RUNDC3A: variants seen among roughly 807,000 people sequenced by gnomAD.
RUNDC3A encodes RUN domain-containing protein 3A.
In RUNDC3A, 28 loss-of-function variants were observed where a neutral mutation model predicts 53.9. The observed-to-expected ratio is 0.52, with a 90% CI of 0.38 to 0.71. The LOEUF is 0.71. Among genes scored for constraint, RUNDC3A ranks in the 30% least tolerant of loss-of-function variants. RUNDC3A has a pLI of 0.00. For missense variants in RUNDC3A, 491 were observed against 597.3 expected, an observed-to-expected ratio of 0.82 and a Z score of 1.85; for synonymous variants, 232 against 249.4, an observed-to-expected ratio of 0.93 and a Z score of 0.66.
chr17:44,314,681 G>GA, intron 4 of RUNDC3A, 54 bp from the exon 5 acceptor site: 1 of 1,285,966 alleles, frequency 7.8e-7, no homozygotes, highest in Admixed American at 2.1e-5. Context: ...CTCTGGGGGG[G>GA]GGGGGGGCGC....
chr17:44,311,458 G>A, intron 1 of RUNDC3A: 1 of 574,124 alleles, frequency 1.7e-6, no homozygotes, highest in Non-Finnish European at 2.2e-6. Context: ...TTCTTTACCT[G>A]TAAAATGGGG....
chr17:44,312,725 C>T (rs2047773357), intron 2 of RUNDC3A, 30 bp downstream of exon 2: 1 of 1,195,468 alleles, frequency 8.4e-7, no homozygotes, highest in Non-Finnish European at 1.2e-6. Flanking sequence ...CCCAGCGGTC[C>T]CTCCCCCAGC....
At chr17:44,309,161 G>C (rs868575200) in intron 1 of RUNDC3A, among the ~76,000 whole-genome samples, 19 of 152,334 alleles carry the variant, frequency 1.2e-4, no homozygotes, top group South Asian at 6.2e-4. Flanking sequence ...CTGGGCCTGG[G>C]GGGTGAGGGG....
chr17:44,314,879 T>C (rs374503153), intron 5 of RUNDC3A, 50 bp from the exon 6 acceptor site: 455 of 1,613,830 alleles, frequency 2.8e-4, no homozygotes, highest in Admixed American at 6.7e-5. Flanking sequence ...ATAAATGTCC[T>C]ACCCCAACCC....
chr17:44,313,367 G>A (rs2047787500), intron 3 of RUNDC3A, 51 bp from the exon 4 acceptor site: 1 of 1,612,498 alleles, frequency 6.2e-7, no homozygotes, highest in Admixed American at 1.7e-5. Context: ...ACCTGATGCT[G>A]GACACATGAG....
At position 44,315,096 on chromosome 17, in the gene RUNDC3A, A is replaced by C. The variant is rs2047830607; in HGVS notation, c.630-59A>C. ...CCTGGTCCCACCGCCCTCAGCGGCC[A>C]GCGCAGACGCGCGGGGGGAGGGGCG... On this transcript the variant is annotated intron_variant, in intron 6 of 10. Transcript: ENST00000426726. The surrounding 1 kb of genome is among the most constrained non-coding windows in gnomAD (Gnocchi z 6.1). 1 of 1,605,238 alleles carries C rather than the reference A, an allele frequency of 6.2e-7. No individual in the cohort carries two copies. The highest frequency in any genetic ancestry group is 1.1e-5 in the South Asian group (1 of 90,636).
intron 1 of RUNDC3A, among the ~76,000 whole-genome samples, chr17:44,310,354 T>A (rs2047726968): frequency 6.6e-6 from 1 of 152,236 alleles, no homozygotes. Context: ...CTAATGACGC[T>A]CTTCCTGTCC....
chr17:44,313,635 T>G (rs2047793924), intron 4 of RUNDC3A, 132 bp downstream of exon 4: 12 of 1,399,380 alleles, frequency 8.6e-6, no homozygotes, highest in Non-Finnish European at 1.1e-5. Context: ...CACACATGGC[T>G]GATTTCCCTC....
chr17:44,313,119 G>T lies in RUNDC3A; in HGVS notation c.239G>T (p.Gly80Val), dbSNP rs373613588. The change falls in exon 3 of 11, where the codon GGT becomes GTT. Residue 80 changes from glycine (G) to valine (V), a missense_variant. By Grantham distance (109) the Gly-to-Val change is moderately radical. Around this residue, in one of 2 missense-constraint regions of RUNDC3A, gnomAD observed 273 missense variants for 389.0 expected, o/e 0.70. Transcript: ENST00000426726. ...SHRFKACAPA[G>V]PVSWFSSDGQ... ...CCTGGCTCAGCCTGTGCCCCAGCAG[G>T]TCCAGTGAGCTGGTTCAGCTCAGAC... 3.3e-5 allele frequency: 54 copies of T among 1,613,920 alleles called. No homozygotes were observed. Among genetic ancestry groups the T allele is most frequent in the Non-Finnish European group, 4.5e-5 (53 of 1,179,888 alleles).
chr17:44,311,553 T>C (rs2047747374), intron 1 of RUNDC3A: 2 of 161,240 alleles, frequency 1.2e-5, no homozygotes, highest in South Asian at 2.0e-4. Context: ...TGCCACATTA[T>C]AGGGCTTGAT....
At position 44,316,504 on chromosome 17, in the gene RUNDC3A, A is replaced by G. The variant is rs1225411293; in HGVS notation, c.1073A>G (p.Asn358Ser). ...GTLNGAEGAS[N>S]SKLYRRHSFM... ...CTTAATGGGGCCGAGGGCGCCAGCAACTCCAAGCTCTACCGGAGGTAAGCC... is the reference window on the plus strand; with the variant it reads ...CTTAATGGGGCCGAGGGCGCCAGCAGCTCCAAGCTCTACCGGAGGTAAGCC... The change falls in exon 9 of 11, where the codon AAC becomes AGC. Residue 358 changes from asparagine (N) to serine (S), a missense_variant. Physicochemically the swap from Asn to Ser is conservative, Grantham distance 46. Around this residue, in one of 2 missense-constraint regions of RUNDC3A, gnomAD observed 218 missense variants for 208.2 expected, o/e 1.05. Transcript: ENST00000426726. The G allele has an allele frequency of 1.2e-6, 2 of 1,612,606 alleles. No individual in the cohort carries two copies. Among genetic ancestry groups the G allele is most frequent in the Non-Finnish European group, 1.7e-6 (2 of 1,179,560 alleles).
At chr17:44,310,596 A>G in intron 1 of RUNDC3A, 2 of 552,042 alleles carry the variant, frequency 3.6e-6, no homozygotes, top group African/African-American at 2.0e-5. Context: ...TCACTGTCAC[A>G]TGGTTTGCCT....
rs377689130 is a variant in RUNDC3A, at chr17:44,308,807, G to A, written c.-26G>A. On this transcript the variant is annotated 5_prime_UTR_variant, in exon 1 of 11. Coordinates refer to ENST00000426726, the MANE Select transcript of RUNDC3A (RefSeq NM_001144825.2). ...CGGGAGGGGTGGGGGGGCAGCGGGC[G>A]GCGGCAGCAGTGGCCGCACATCTGG... The A allele has an allele frequency of 2.7e-6, 4 of 1,507,250 alleles. No homozygotes were observed. The highest frequency in any genetic ancestry group is 3.6e-6 in the Non-Finnish European group (4 of 1,104,016). The allele number at this position is 1,507,250 out of a possible 1,614,324, so 93.4% of individuals were successfully genotyped here.
chr17:44,311,198 G>A (rs933220181), intron 1 of RUNDC3A: 3 of 985,532 alleles, frequency 3.0e-6, no homozygotes, highest in South Asian at 4.7e-5. Context: ...GAAGGGGGAC[G>A]AGGGCTCAGC....
chr17:44,315,676 T>A lies in RUNDC3A; in HGVS notation c.953+67T>A. ...CGACCACATCACCGGGTGAACCCCATCTTCACTTCCATCGACTCTAACATC... is the reference window on the plus strand; with the variant it reads ...CGACCACATCACCGGGTGAACCCCAACTTCACTTCCATCGACTCTAACATC... On this transcript the variant is annotated intron_variant, in intron 8 of 10. Coordinates refer to ENST00000426726, the MANE Select transcript of RUNDC3A (RefSeq NM_001144825.2). The surrounding 1 kb of genome is among the most constrained non-coding windows in gnomAD (Gnocchi z 6.1). 4.7e-6 allele frequency: 6 copies of A among 1,275,160 alleles called. No individual in the cohort carries two copies. The highest frequency in any genetic ancestry group is 1.6e-5 in the African/African-American group (1 of 63,464). 79.0% of individuals were successfully genotyped at this position (1,275,160 alleles called of 1,614,324 possible). A position where few individuals can be genotyped will look rare whatever the true frequency, so the allele number is the denominator to read the frequency against.
chr17:44,313,139 T>A lies in RUNDC3A; in HGVS notation c.259T>A (p.Ser87Thr), dbSNP rs1393325834. 1 of 1,614,056 alleles carries A rather than the reference T, an allele frequency of 6.2e-7. No homozygotes were observed. ...APAGPVSWFSSDGQRGFWDYI... is the reference protein window; with the variant it reads ...APAGPVSWFSTDGQRGFWDYI... ...AGCAGGTCCAGTGAGCTGGTTCAGC[T>A]CAGACGGGCAGCGGGGCTTTTGGGA... The change falls in exon 3 of 11, where the codon TCA becomes ACA. Residue 87 changes from serine to threonine, a missense_variant. Around this residue, in one of 2 missense-constraint regions of RUNDC3A, gnomAD observed 273 missense variants for 389.0 expected, o/e 0.70. Transcript: ENST00000426726.
rs1598333685 is a variant in RUNDC3A, at chr17:44,317,851, A to G, written c.1199-245A>G. 1.1e-5 allele frequency: 6 copies of G among 568,544 alleles called. No individual in the cohort carries two copies. The East Asian group carries it at 1.1e-4, about 11-fold the overall frequency. 35.2% of individuals were successfully genotyped at this position (568,544 alleles called of 1,614,324 possible). A position where few individuals can be genotyped will look rare whatever the true frequency, so the allele number is the denominator to read the frequency against. ...TCACTGTGTATTTAATAAATGGACA[A>G]AGAGAGAGGATGACCCTCACGGGGA... is the stretch of plus-strand genomic sequence containing the variant. On this transcript the variant is annotated intron_variant, in intron 10 of 10. Coordinates refer to ENST00000426726, the MANE Select transcript of RUNDC3A (RefSeq NM_001144825.2).
At chr17:44,316,751 G>A (rs781537555) in intron 10 of RUNDC3A, 26 bp downstream of exon 10, 1 of 1,495,102 alleles carries the variant, frequency 6.7e-7, no homozygotes, top group Middle Eastern at 2.3e-4. Flanking sequence ...CCAACACCCA[G>A]TACCCCTCCA....
intron 4 of RUNDC3A, chr17:44,314,174 C>G: frequency 2.0e-6 from 2 of 995,034 alleles, no homozygotes; most frequent in Non-Finnish European, 2.4e-6. Flanking sequence ...TCTGTACTTG[C>G]TATTCACGGA....
Sources: allele counts gnomAD v4.1 joint callset (sites outside exome capture counted in the v4.1 genomes callset), GRCh38; gene constraint gnomAD v4.1.1; regional missense constraint gnomAD v4.1.1; non-coding constraint Gnocchi (gnomAD v3.1); transcripts MANE v1.5; gene names NCBI Gene and HGNC (gene_info 2026-07-23, HGNC 2026-07-21).